The following ATP2B2 variants were observed in gnomAD, a reference collection of about 807,000 sequenced individuals.
The protein encoded by ATP2B2 is ATPase plasma membrane Ca2+ transporting 2.
In ATP2B2, 15 loss-of-function variants were observed where a neutral mutation model predicts 120.0. The ratio of observed to expected loss-of-function variants is 0.12; its 90% confidence interval spans 0.08 to 0.19. The LOEUF (loss-of-function observed/expected upper bound fraction) is 0.19. Ranked by LOEUF, ATP2B2 falls within the 10% of genes least tolerant of loss-of-function variation. The pLI, the probability that ATP2B2 is intolerant of heterozygous loss-of-function variation, is 1.00. For missense variants in ATP2B2, 1,045 were observed against 1,719.8 expected (o/e 0.61, Z 6.94); for synonymous variants, 694 against 700.3 (o/e 0.99, Z 0.14).
chr3:10,689,893 G>C (rs2071616718), intron 1 of ATP2B2, among the ~76,000 whole-genome samples: 1 of 152,236 alleles, frequency 6.6e-6, no homozygotes, highest in South Asian at 2.1e-4. Context: ...TAGGTCCTCA[G>C]TGAGGGTAGG....
At chr3:10,344,103 C>T (rs1042008182) in intron 18 of ATP2B2, among the ~76,000 whole-genome samples, 1 of 152,116 alleles carries the variant, frequency 6.6e-6, no homozygotes, top group Non-Finnish European at 1.5e-5. Context: ...CAGCCTCGCT[C>T]CCCTTGCCCC....
At chr3:10,686,319 G>C (rs1180791552) in intron 1 of ATP2B2, among the ~76,000 whole-genome samples, 1 of 152,062 alleles carries the variant, frequency 6.6e-6, no homozygotes, top group Non-Finnish European at 1.5e-5. Context: ...ATGAGTATCT[G>C]TGACAAGTGT....
At chr3:10,677,386 T>C (rs1448201985) in intron 1 of ATP2B2, among the ~76,000 whole-genome samples, 2 of 151,810 alleles carry the variant, frequency 1.3e-5, no homozygotes, top group Non-Finnish European at 2.9e-5. Flanking sequence ...AAATGATCAG[T>C]GGTCAACAGG....
chr3:10,386,464 G>A lies in ATP2B2; in HGVS notation c.940+16C>T, dbSNP rs1367409055. On this transcript the variant is annotated intron_variant, in intron 7 of 22. Transcript: ENST00000360273. ...ATTTCTAAAAGCCCATCTACCCTGA[G>A]GGTGTCTTACTGTACCTGGTAGCTG... The A allele has an allele frequency of 1.2e-6, 2 of 1,613,598 alleles. No homozygotes were observed. The highest frequency in any genetic ancestry group is 2.2e-5 in the South Asian group (2 of 91,074).
chr3:10,684,704 G>A (rs2071474588), intron 1 of ATP2B2, among the ~76,000 whole-genome samples: 3 of 152,222 alleles, frequency 2.0e-5, no homozygotes, highest in Admixed American at 2.0e-4. Context: ...AATATGTCCG[G>A]ATCAAGGTCC....
chr3:10,650,052 T>C (rs1175938964), intron 1 of ATP2B2, among the ~76,000 whole-genome samples: 4 of 152,178 alleles, frequency 2.6e-5, no homozygotes, highest in African/African-American at 7.2e-5. Context: ...CTACTGAAGA[T>C]ACCCGAAACT....
chr3:10,338,026 A>AGTGGCTGG, intron 22 of ATP2B2, 150 bp downstream of exon 22: 1 of 939,124 alleles, frequency 1.1e-6, no homozygotes, highest in Admixed American at 2.4e-5. Context: ...TGGGTGTGCA[A>AGTGGCTGG]GTGGCTGGTG....
chr3:10,581,009 CTT>C (rs565146551), intron 2 of ATP2B2, among the ~76,000 whole-genome samples: 112 of 152,316 alleles, frequency 7.4e-4, no homozygotes, highest in African/African-American at 2.6e-3. Context: ...GGCTATGAGA[CTT>C]TACATGTATT....
chr3:10,681,046 C>T (rs1272721656), intron 1 of ATP2B2, among the ~76,000 whole-genome samples: 1 of 152,170 alleles, frequency 6.6e-6, no homozygotes, highest in Non-Finnish European at 1.5e-5. Context: ...CCCCTGCTTT[C>T]ACCATGTGAT....
intron 2 of ATP2B2, among the ~76,000 whole-genome samples, chr3:10,596,330 A>T (rs1175237879): frequency 6.6e-6 from 1 of 152,030 alleles, no homozygotes; most frequent in Non-Finnish European, 1.5e-5. Flanking sequence ...GAGGGCAGGG[A>T]CTCTGTGGGT....
chr3:10,413,300 T>C (rs895819829), intron 2 of ATP2B2, among the ~76,000 whole-genome samples: 1 of 152,298 alleles, frequency 6.6e-6, no homozygotes, highest in Admixed American at 6.5e-5. Context: ...CCATGAGATC[T>C]CCATCAGGAG....
chr3:10,652,197 G>A (rs1019438807), intron 1 of ATP2B2, among the ~76,000 whole-genome samples: 8 of 152,100 alleles, frequency 5.3e-5, no homozygotes, highest in Non-Finnish European at 8.8e-5. Context: ...GCTTCTCTGG[G>A]CTGATGACCC....
intron 1 of ATP2B2, among the ~76,000 whole-genome samples, chr3:10,656,970 T>C (rs912321999): frequency 6.6e-6 from 1 of 151,844 alleles, no homozygotes; most frequent in Non-Finnish European, 1.5e-5. Flanking sequence ...GGGAAAGAGA[T>C]GAGGCCAGCG....
At position 10,630,262 on chromosome 3, in the gene ATP2B2, T is replaced by G. The variant is rs571571830; in HGVS notation, c.-459-10301A>C. 4.6e-5 allele frequency among the ~76,000 whole-genome samples: 7 copies of G among 152,330 alleles called. No homozygotes were observed. The East Asian group carries it at 1.3e-3, about 29-fold the overall frequency. Reference sequence around the variant, plus strand: ...TTGTTGTACAGATTATTTCATCACTTAAGTATTAAGCCCAGTACCCATTAG... The same window carrying G: ...TTGTTGTACAGATTATTTCATCACTGAAGTATTAAGCCCAGTACCCATTAG... On this transcript the variant is annotated intron_variant, in intron 1 of 21. Transcript: ENST00000646379.
intron 2 of ATP2B2, among the ~76,000 whole-genome samples, chr3:10,416,049 G>C (rs1362743720): frequency 6.6e-6 from 1 of 152,226 alleles, no homozygotes; most frequent in East Asian, 1.9e-4. Context: ...CCCAAGCACA[G>C]AAGAATGTGT....
chr3:10,489,247 C>G (rs189379263), intron 1 of ATP2B2, among the ~76,000 whole-genome samples: 2 of 152,184 alleles, frequency 1.3e-5, no homozygotes, highest in Admixed American at 1.3e-4. Context: ...TTCTCCTTGA[C>G]GATCCACTCA....
intron 6 of ATP2B2, chr3:10,387,828 T>C (rs1199937073): frequency 1.3e-5 from 3 of 234,632 alleles, no homozygotes; most frequent in African/African-American, 6.7e-5. Context: ...TTTCCCAGAA[T>C]CTCCTCTGCC....
At position 10,329,855 on chromosome 3, in the gene ATP2B2, CACAG is replaced by C. The variant is rs2125323093; in HGVS notation, c.3421-734_3421-731del. 6.6e-6 allele frequency among the ~76,000 whole-genome samples: 1 copy of C among 152,310 alleles called. No homozygotes were observed. Among genetic ancestry groups the C allele is most frequent in the East Asian group, 1.9e-4 (1 of 5,182 alleles). The stretch of plus-strand genomic sequence containing the variant: ...GGGAGGCCGGGAGCCACATGGCACA[CACAG>C]ACAGACACACGGCTACACTTGGAAG... On this transcript the variant is annotated intron_variant, in intron 22 of 22. Coordinates refer to ENST00000360273, the MANE Select transcript of ATP2B2 (RefSeq NM_001001331.4). The surrounding 1 kb of genome is among the most constrained non-coding windows in gnomAD (Gnocchi z 5.9).
At chr3:10,654,467 A>G (rs1437560027) in intron 1 of ATP2B2, among the ~76,000 whole-genome samples, 2 of 152,172 alleles carry the variant, frequency 1.3e-5, no homozygotes, top group Non-Finnish European at 2.9e-5. Flanking sequence ...TGAGGCGGGA[A>G]ATGAACATAG....
Sources: allele counts gnomAD v4.1 joint callset (sites outside exome capture counted in the v4.1 genomes callset), GRCh38; gene constraint gnomAD v4.1.1; non-coding constraint Gnocchi (gnomAD v3.1); transcripts MANE v1.5; gene names NCBI Gene and HGNC (gene_info 2026-07-23, HGNC 2026-07-21).